The following NCF2 variants were observed in gnomAD, a reference collection of about 807,000 sequenced individuals.
NCF2 encodes neutrophil cytosolic factor 2, also known as neutrophil cytosol factor 2.
Under a neutral mutation model 70.9 loss-of-function variants are expected in NCF2, and 45 were observed. The observed-to-expected ratio is 0.63, with a 90% CI of 0.50 to 0.81. The LOEUF is 0.81. Ranked by LOEUF, NCF2 falls within the 40% of genes least tolerant of loss-of-function variation. The pLI is 0.00. For synonymous variants in NCF2, 203 were observed against 233.6 expected (o/e 0.87, Z 1.19); for missense variants, 522 against 631.6 (o/e 0.83, Z 1.86).
the NCF2 span, among the ~76,000 whole-genome samples, chr1:183,596,526 C>T: frequency 6.6e-6 from 1 of 152,046 alleles, no homozygotes; most frequent in African/African-American, 2.4e-5. Context: ...ATAATCCCAG[C>T]ACTTTGAGAG....
chr1:183,587,131 C>T (rs747131264), intron 1 of NCF2, among the ~76,000 whole-genome samples, 154 bp from the exon 2 acceptor site: 5 of 152,210 alleles, frequency 3.3e-5, no homozygotes, highest in Non-Finnish European at 7.3e-5. Flanking sequence ...TCTCACGGTG[C>T]ACCCCACTTC....
At chr1:183,581,709 C>G (rs1370330991) in intron 2 of NCF2, among the ~76,000 whole-genome samples, 1 of 151,520 alleles carries the variant, frequency 6.6e-6, no homozygotes, top group Non-Finnish European at 1.5e-5. Context: ...CGCTCTGTTG[C>G]CCTGGCTGGA....
At chr1:183,564,197 C>T (rs967627738) in intron 10 of NCF2, 167 bp from the exon 11 acceptor site, 7 of 731,776 alleles carry the variant, frequency 9.6e-6, no homozygotes, top group Non-Finnish European at 1.7e-5. Context: ...AAAATCTCGC[C>T]CTGGGGAAGC....
At chr1:183,581,315 A>AAAGAAAGAAAAG (rs1553259012) in intron 2 of NCF2, among the ~76,000 whole-genome samples, 3 of 143,472 alleles carry the variant, frequency 2.1e-5, no homozygotes, top group African/African-American at 7.9e-5. Flanking sequence ...AGAAAGAAAG[A>AAAGAAAGAAAAG]AAAGAAAGTC....
chr1:183,570,741 C>A (rs1672505807), intron 6 of NCF2, 39 bp downstream of exon 6: 2 of 1,603,524 alleles, frequency 1.2e-6, no homozygotes, highest in Non-Finnish European at 1.7e-6. Flanking sequence ...AGAAAGCTCT[C>A]GAGACCTAGG....
the NCF2 span, among the ~76,000 whole-genome samples, chr1:183,596,588 A>G: frequency 2.0e-5 from 3 of 152,080 alleles, no homozygotes; most frequent in Non-Finnish European, 2.9e-5. Flanking sequence ...CCTGACCAAC[A>G]TGGTGAAACC....
At chr1:183,599,474 CTT>C in the NCF2 span, among the ~76,000 whole-genome samples, 1 of 136,964 alleles carries the variant, frequency 7.3e-6, no homozygotes, top group Admixed American at 7.6e-5. Context: ...TTCTTTCTTT[CTT>C]TCTTTCTCTT....
At chr1:183,580,100 G>C (rs2102918246) in intron 2 of NCF2, among the ~76,000 whole-genome samples, 1 of 152,320 alleles carries the variant, frequency 6.6e-6, no homozygotes, top group East Asian at 1.9e-4. Context: ...GTGTGGCTGG[G>C]GGAGAAGCCA....
rs1459334137 is a variant in NCF2 at position 183,574,640 on chromosome 1, C to T, written c.367-19G>A. On this transcript the variant is annotated intron_variant, in intron 3 of 14. Coordinates refer to ENST00000367535, the MANE Select transcript of NCF2 (RefSeq NM_000433.4). ...ATAACACCTAGAAAAGTACAGACCG[C>T]AACATAAAACTTGAGACTACTCCAA... The T allele has an allele frequency of 6.2e-7, 1 of 1,613,888 alleles. No individual in the cohort carries two copies. The highest frequency in any genetic ancestry group is 8.5e-7 in the Non-Finnish European group (1 of 1,179,920).
intron 7 of NCF2, among the ~76,000 whole-genome samples, chr1:183,568,507 C>A (rs1185179724): frequency 6.6e-6 from 1 of 151,902 alleles, no homozygotes; most frequent in African/African-American, 2.4e-5. Context: ...GAGGACCAGG[C>A]TTGCTTCATC....
At chr1:183,578,695 C>T (rs1025035095) in intron 2 of NCF2, among the ~76,000 whole-genome samples, 2 of 152,216 alleles carry the variant, frequency 1.3e-5, no homozygotes, top group Admixed American at 6.5e-5. Context: ...GCTGCTCCCA[C>T]TGCCTTGTGC....
chr1:183,582,436 C>T (rs1673159647), intron 2 of NCF2, among the ~76,000 whole-genome samples: 1 of 152,228 alleles, frequency 6.6e-6, no homozygotes, highest in Admixed American at 6.5e-5. Context: ...AGCAACCTTG[C>T]CATAGCTTTT....
the NCF2 span, among the ~76,000 whole-genome samples, chr1:183,599,423 C>CTTCTTTCCTTCTTTCTTTCTTTCT: frequency 2.0e-4 from 22 of 107,424 alleles, no homozygotes; most frequent in Admixed American, 8.0e-4. Flanking sequence ...TCTTTCTTTC[C>CTTCTTTCCTTCTTTCTTTCTTTCT]TTCTTTCTTT....
At chr1:183,581,876 C>A (rs1046600214) in intron 2 of NCF2, among the ~76,000 whole-genome samples, 1 of 152,152 alleles carries the variant, frequency 6.6e-6, no homozygotes, top group African/African-American at 2.4e-5. Context: ...ACCGTGTTAG[C>A]CAGGATGGTC....
rs1244040870 is a variant in NCF2 at position 183,563,231 on chromosome 1, T to A, written c.1254A>T (p.Lys418Asn). Residue 418 changes from lysine (K) to asparagine (N), a missense_variant, in exon 13 of 15, where the codon AAA (lysine) becomes AAT (asparagine). By Grantham distance (94) the Lys-to-Asn change is moderately conservative (BLOSUM62 0). Coordinates refer to ENST00000367535, the MANE Select transcript of NCF2 (RefSeq NM_000433.4). ...CACACCACAGAGTCAGGCAGTAGTT[T>A]TTCACCTGGCCCCAGGCATCCTTCA... ...DSMKDAWGQV[K>N]NYCLTLWCEN... 1 of 1,614,068 alleles carries A rather than the reference T, an allele frequency of 6.2e-7. No individual in the cohort carries two copies. Among genetic ancestry groups the A allele is most frequent in the African/African-American group, 1.3e-5 (1 of 74,916 alleles).
intron 5 of NCF2, among the ~76,000 whole-genome samples, chr1:183,572,580 A>G (rs1672617690): frequency 6.6e-6 from 1 of 152,220 alleles, no homozygotes; most frequent in African/African-American, 2.4e-5. Context: ...CGTGAACTAC[A>G]AGGAGCATTA....
chr1:183,595,495 C>T (rs1022800794), upstream of NCF2, among the ~76,000 whole-genome samples: 22 of 152,308 alleles, frequency 1.4e-4, no homozygotes, highest in African/African-American at 4.3e-4. Flanking sequence ...AGTCTGGGCA[C>T]GGCTTAGTTG....
intron 13 of NCF2, among the ~76,000 whole-genome samples, chr1:183,562,907 A>C (rs1401165705): frequency 6.6e-6 from 1 of 151,822 alleles, no homozygotes; most frequent in Non-Finnish European, 1.5e-5. Flanking sequence ...GCTTGACAGT[A>C]ATGGATGGGA....
At chr1:183,595,989 T>A in the NCF2 span, among the ~76,000 whole-genome samples, 3 of 152,140 alleles carry the variant, frequency 2.0e-5, no homozygotes, top group Non-Finnish European at 4.4e-5. Context: ...GTGAGATTAA[T>A]TATTCCTGCC....
Sources: gnomAD v4.1 joint callset for allele counts (sites outside exome capture counted in the v4.1 genomes callset) on GRCh38, gnomAD v4.1.1 for gene constraint, MANE v1.5 for transcripts, NCBI Gene and HGNC (gene_info 2026-07-23, HGNC 2026-07-21) for gene names.